Variants in ABL2 observed in about 807,000 individuals in gnomAD.
The protein encoded by ABL2 is ABL proto-oncogene 2, non-receptor tyrosine kinase, also known as tyrosine-protein kinase ABL2.
ABL2 carries 49 observed loss-of-function variants against 107.7 expected under a neutral mutation model. That is an observed-to-expected ratio of 0.45 (90% CI 0.36 to 0.58). ABL2 has a LOEUF of 0.58. Among genes scored for constraint, ABL2 ranks in the 20% least tolerant of loss-of-function variants. The probability of loss-of-function intolerance (pLI) is 0.00; values close to 1 mark genes in which losing one functional copy is unlikely to be tolerated. For missense variants in ABL2, 1,245 were observed against 1,457.0 expected (o/e 0.85, Z 2.37); for synonymous variants, 549 against 548.6 (o/e 1.00, Z -0.01).
At chr1:179,122,026 C>T (rs181391323) in intron 4 of ABL2, among the ~76,000 whole-genome samples, 159 bp from the exon 5 acceptor site, 110 of 146,194 alleles carry the variant, frequency 7.5e-4, no homozygotes, top group African/African-American at 2.6e-3. Context: ...CCCGGGTTCA[C>T]GCCATTCTCC....
intron 1 of ABL2, among the ~76,000 whole-genome samples, chr1:179,209,227 G>A (rs933353310): frequency 6.6e-6 from 1 of 152,156 alleles, no homozygotes; most frequent in Admixed American, 6.5e-5. Context: ...TTTACTCAGA[G>A]GAAAGGAATG....
chr1:179,130,324 CCTAT>C (rs1306335030), intron 3 of ABL2, among the ~76,000 whole-genome samples: 6 of 152,204 alleles, frequency 3.9e-5, no homozygotes, highest in Non-Finnish European at 5.9e-5. Context: ...AACTTGACTG[CCTAT>C]CTGAGGACTG....
intron 1 of ABL2, among the ~76,000 whole-genome samples, chr1:179,223,641 AT>A (rs926960747): frequency 2.0e-5 from 3 of 151,622 alleles, no homozygotes; most frequent in Non-Finnish European, 2.9e-5. Context: ...CTAACAGCTG[AT>A]TTTTTTTTAA....
intron 2 of ABL2, among the ~76,000 whole-genome samples, chr1:179,132,251 C>T (rs1389806498): frequency 1.3e-5 from 2 of 152,168 alleles, no homozygotes; most frequent in Non-Finnish European, 2.9e-5. Context: ...TGAGTTTCTA[C>T]TCAAAGTGGT....
intron 1 of ABL2, among the ~76,000 whole-genome samples, chr1:179,169,806 G>A (rs1314042130): frequency 6.6e-6 from 1 of 152,116 alleles, no homozygotes; most frequent in African/African-American, 2.4e-5. Flanking sequence ...TACTTTGGGA[G>A]GCTGAGTTGA....
At chr1:179,218,038 A>T (rs1662671203) in intron 1 of ABL2, among the ~76,000 whole-genome samples, 1 of 152,178 alleles carries the variant, frequency 6.6e-6, no homozygotes, top group South Asian at 2.1e-4. Context: ...TAAAAGAAAA[A>T]ACAGATATTG....
At position 179,104,037 on chromosome 1, in the gene ABL2, GTTT is replaced by G. The variant is rs1013780311; in HGVS notation, c.*3678_*3680del. The G allele has an allele frequency of 4.3e-6, 1 of 232,844 alleles. No individual in the cohort carries two copies. The highest frequency in any genetic ancestry group is 2.2e-5 in the African/African-American group (1 of 45,240). The allele number at this position is 232,844 out of a possible 1,614,324, so 14.4% of individuals were successfully genotyped here. A position where few individuals can be genotyped will look rare whatever the true frequency, so the allele number is the denominator to read the frequency against. ...GATCTGGAGTGGGGCTATTCCGTCA[GTTT>G]TTTTTGTTTGTTTTGTTTTGTTTTT... On this transcript the variant is annotated 3_prime_UTR_variant, in exon 12 of 12. Coordinates refer to ENST00000502732, the MANE Select transcript of ABL2 (RefSeq NM_007314.4).
chr1:179,120,151 T>C (rs747351175), intron 6 of ABL2, 39 bp downstream of exon 6: 2 of 1,408,878 alleles, frequency 1.4e-6, no homozygotes, highest in Non-Finnish European at 2.0e-6. Flanking sequence ...AGGGCAAGCA[T>C]TTTTGGAGGA....
Position 179,107,630 on chromosome 1 carries a change from C to A in ABL2, c.*88G>T. On this transcript the variant is annotated 3_prime_UTR_variant, in exon 12 of 12. Transcript: ENST00000502732. The stretch of plus-strand genomic sequence containing the variant: ...TAAACACACTCAAGTATGAGTCTTT[C>A]ATTTTCTGAAAACAAGAACACAGGA... 1.3e-6 allele frequency: 2 copies of A among 1,516,212 alleles called. No homozygotes were observed. Among genetic ancestry groups the A allele is most frequent in the Non-Finnish European group, 1.8e-6 (2 of 1,134,572 alleles). The allele number at this position is 1,516,212 out of a possible 1,614,324, so 93.9% of individuals were successfully genotyped here. A position where few individuals can be genotyped will look rare whatever the true frequency, so the allele number is the denominator to read the frequency against.
intron 2 of ABL2, 128 bp downstream of exon 2, chr1:179,133,184 A>T: frequency 6.9e-7 from 1 of 1,450,234 alleles, no homozygotes; most frequent in Non-Finnish European, 9.4e-7. Flanking sequence ...ATATAAAAAT[A>T]GTTTTATCAT....
At chr1:179,165,672 T>G (rs1659333754) in intron 1 of ABL2, among the ~76,000 whole-genome samples, 2 of 152,076 alleles carry the variant, frequency 1.3e-5, no homozygotes, top group South Asian at 4.2e-4. Flanking sequence ...ACTTTTACTT[T>G]TCTGGATTAT....
intron 1 of ABL2, among the ~76,000 whole-genome samples, chr1:179,133,861 G>T (rs1348071468): frequency 6.6e-6 from 1 of 152,132 alleles, no homozygotes; most frequent in African/African-American, 2.4e-5. Context: ...ACAATATATT[G>T]TAATAAAATT....
At chr1:179,173,992 A>G (rs1034616488) in intron 1 of ABL2, among the ~76,000 whole-genome samples, 2 of 152,174 alleles carry the variant, frequency 1.3e-5, no homozygotes. Context: ...CTTGCAAGAA[A>G]AAGAAAATGG....
intron 1 of ABL2, among the ~76,000 whole-genome samples, chr1:179,140,602 C>G (rs1285353910): frequency 1.3e-5 from 2 of 152,194 alleles, no homozygotes; most frequent in African/African-American, 4.8e-5. Flanking sequence ...ATATAAGAGG[C>G]TCTCAAAAAA....
intron 1 of ABL2, among the ~76,000 whole-genome samples, chr1:179,142,283 AT>A (rs996684437): frequency 2.0e-5 from 3 of 152,112 alleles, no homozygotes; most frequent in African/African-American, 4.8e-5. Context: ...TAAAAAAGGC[AT>A]TTTTTTTCTA....
Position 179,105,600 on chromosome 1 carries a change from T to C in ABL2, c.*2118A>G, listed in dbSNP as rs1481333746. 1.7e-5 allele frequency: 4 copies of C among 228,690 alleles called. No individual in the cohort carries two copies. Among genetic ancestry groups the C allele is most frequent in the Admixed American group, 5.7e-5 (1 of 17,622 alleles). 14.2% of individuals were successfully genotyped at this position (228,690 alleles called of 1,614,324 possible). A position where few individuals can be genotyped will look rare whatever the true frequency, so the allele number is the denominator to read the frequency against. ...GAACCCAATCACTAGCTGCCTGTGC[T>C]GCAACTGCAGGTGACATACTGCGGG... is the stretch of plus-strand genomic sequence containing the variant. On this transcript the variant is annotated 3_prime_UTR_variant, in exon 12 of 12. Coordinates refer to ENST00000502732, the MANE Select transcript of ABL2 (RefSeq NM_007314.4).
chr1:179,150,799 A>G (rs988656903), intron 1 of ABL2, among the ~76,000 whole-genome samples: 1 of 152,138 alleles, frequency 6.6e-6, no homozygotes, highest in African/African-American at 2.4e-5. Context: ...TCATGAAAGA[A>G]AGTGTCAACG....
Position 179,105,201 on chromosome 1 carries a change from C to A in ABL2, c.*2517G>T, listed in dbSNP as rs181888848. The A allele has an allele frequency of 4.3e-5, 10 of 231,266 alleles. No individual in the cohort carries two copies. The highest frequency in any genetic ancestry group is 7.7e-5 in the Non-Finnish European group (9 of 116,798). 14.3% of individuals were successfully genotyped at this position (231,266 alleles called of 1,614,324 possible). On this transcript the variant is annotated 3_prime_UTR_variant, in exon 12 of 12. Coordinates refer to ENST00000502732, the MANE Select transcript of ABL2 (RefSeq NM_007314.4). ...CCTGAGTAAGACACAGCCCCCACCC[C>A]CTACCCTTCAGATTGTTGTTGGGCA...
intron 1 of ABL2, among the ~76,000 whole-genome samples, chr1:179,139,825 A>T (rs2793794): frequency 0.47 from 71,751 of 151,964 alleles, 17,140 homozygotes; most frequent in Admixed American, 0.53. Context: ...GAACTGCTCA[A>T]GCAAGGGATC....
Sources: gnomAD v4.1 joint callset for allele counts (sites outside exome capture counted in the v4.1 genomes callset) on GRCh38, gnomAD v4.1.1 for gene constraint, MANE v1.5 for transcripts, NCBI Gene and HGNC (gene_info 2026-07-23, HGNC 2026-07-21) for gene names.